Variants in PRORP observed in about 807,000 individuals in gnomAD.
PRORP encodes the protein protein only RNase P catalytic subunit.
A neutral mutation model predicts 59.4 loss-of-function variants in PRORP; 51 were observed. The observed-to-expected ratio is 0.86, with a 90% CI of 0.69 to 1.08. PRORP has a LOEUF of 1.08. Among genes scored for constraint, PRORP ranks in the 50% least tolerant of loss-of-function variants. The pLI, the probability that PRORP is intolerant of heterozygous loss-of-function variation, is 0.00. For synonymous variants in PRORP, 231 were observed against 245.6 expected (o/e 0.94, Z 0.55); for missense variants, 646 against 690.3 (o/e 0.94, Z 0.72).
chr14:35,200,903 C>T (rs1252118420), intron 5 of PRORP, among the ~76,000 whole-genome samples: 1 of 152,094 alleles, frequency 6.6e-6, no homozygotes, highest in Non-Finnish European at 1.5e-5. Context: ...TCCTTGTTCT[C>T]TTCTGGAATC....
At chr14:35,142,029 C>T (rs138625354) in intron 4 of PRORP, among the ~76,000 whole-genome samples, 1 of 145,522 alleles carries the variant, frequency 6.9e-6, no homozygotes, top group South Asian at 2.3e-4. Flanking sequence ...CAGGTGCCTG[C>T]AACCACGCCC....
intron 5 of PRORP, among the ~76,000 whole-genome samples, chr14:35,253,408 GAAAGAAAAAAAGA>G (rs1227469815): frequency 2.2e-5 from 3 of 135,214 alleles, no homozygotes; most frequent in African/African-American, 9.8e-5. Context: ...AAGAAGGAAA[GAAAGAAAAAAAGA>G]AAAGAAAAAA....
chr14:35,266,617 C>G, intron 5 of PRORP, 110 bp from the exon 6 acceptor site: 1 of 1,116,212 alleles, frequency 9.0e-7, no homozygotes, highest in East Asian at 2.4e-5. Flanking sequence ...TTTTCTTACC[C>G]CCTACCAGAA....
At chr14:35,160,465 CTT>C (rs1181058538) in intron 4 of PRORP, among the ~76,000 whole-genome samples, 6 of 152,124 alleles carry the variant, frequency 3.9e-5, no homozygotes, top group Non-Finnish European at 8.8e-5. Context: ...TTTTCATTCT[CTT>C]CTCTGCTTCC....
intron 4 of PRORP, among the ~76,000 whole-genome samples, chr14:35,162,034 T>C (rs2048073515): frequency 6.6e-6 from 1 of 152,100 alleles, no homozygotes; most frequent in African/African-American, 2.4e-5. Flanking sequence ...GGTTATCTTC[T>C]TTCTCCTTCC....
chr14:35,256,326 CTTT>C (rs1178856754), intron 5 of PRORP, among the ~76,000 whole-genome samples: 1 of 82,814 alleles, frequency 1.2e-5, no homozygotes, highest in Non-Finnish European at 2.2e-5. Context: ...TTGTGCGTAT[CTTT>C]TTTTTTTTTT....
At chr14:35,267,851 G>T (rs150945179) in intron 6 of PRORP, among the ~76,000 whole-genome samples, 3 of 152,000 alleles carry the variant, frequency 2.0e-5, no homozygotes, top group Non-Finnish European at 4.4e-5. Flanking sequence ...AAAGCAACAC[G>T]GCCAGTTGGG....
chr14:35,193,876 A>G (rs1166184731), intron 5 of PRORP, among the ~76,000 whole-genome samples: 1 of 152,194 alleles, frequency 6.6e-6, no homozygotes, highest in Non-Finnish European at 1.5e-5. Flanking sequence ...CTTTAGAGGT[A>G]GAATGTCTTG....
At chr14:35,196,253 C>T (rs943503472) in intron 5 of PRORP, among the ~76,000 whole-genome samples, 7 of 152,166 alleles carry the variant, frequency 4.6e-5, no homozygotes, top group East Asian at 3.8e-4. Flanking sequence ...GGTGGGAGGA[C>T]CACTTGAGCC....
At chr14:35,201,413 A>G (rs1391725892) in intron 5 of PRORP, among the ~76,000 whole-genome samples, 4 of 151,976 alleles carry the variant, frequency 2.6e-5, no homozygotes, top group Admixed American at 2.6e-4. Flanking sequence ...TGTCTGTTCT[A>G]CCTTATTTAC....
intron 5 of PRORP, among the ~76,000 whole-genome samples, chr14:35,242,503 A>G (rs1246133150): frequency 6.6e-6 from 1 of 152,192 alleles, no homozygotes; most frequent in Non-Finnish European, 1.5e-5. Context: ...ATGATAGAAA[A>G]TGAAAGCCAT....
intron 5 of PRORP, among the ~76,000 whole-genome samples, chr14:35,206,021 T>A (rs981365625): frequency 1.3e-5 from 2 of 152,198 alleles, no homozygotes; most frequent in Admixed American, 1.3e-4. Context: ...GGGTCTGTTA[T>A]TTGTTTTAGA....
intron 4 of PRORP, among the ~76,000 whole-genome samples, chr14:35,142,432 T>C (rs963886257): frequency 7.2e-6 from 1 of 139,068 alleles, no homozygotes; most frequent in African/African-American, 2.5e-5. Context: ...ACTGCAGCAA[T>C]GAACTCCTGG....
chr14:35,132,910 T>G (rs1347723801), intron 4 of PRORP, among the ~76,000 whole-genome samples: 1 of 151,106 alleles, frequency 6.6e-6, no homozygotes, highest in Non-Finnish European at 1.5e-5. Flanking sequence ...TTTTTTTGTT[T>G]TGTTTTGTTT....
At chr14:35,196,794 C>T (rs749492134) in intron 5 of PRORP, among the ~76,000 whole-genome samples, 1 of 152,124 alleles carries the variant, frequency 6.6e-6, no homozygotes, top group Non-Finnish European at 1.5e-5. Context: ...CCTGCCTTGA[C>T]ATGTGTTAAG....
At chr14:35,164,180 C>A (rs1252987080) in intron 4 of PRORP, among the ~76,000 whole-genome samples, 1 of 152,158 alleles carries the variant, frequency 6.6e-6, no homozygotes, top group African/African-American at 2.4e-5. Context: ...AATGCTTATA[C>A]ACTGTTGATG....
intron 4 of PRORP, among the ~76,000 whole-genome samples, chr14:35,132,334 T>C (rs2047264499): frequency 6.6e-6 from 1 of 151,518 alleles, no homozygotes; most frequent in Non-Finnish European, 1.5e-5. Flanking sequence ...GGCGGGCCTC[T>C]GTAATTCCAG....
At position 35,273,576 on chromosome 14, in the gene PRORP, C is replaced by T. The variant is rs1233759438; in HGVS notation, c.*10C>T. On this transcript the variant is annotated 3_prime_UTR_variant, in exon 8 of 8. Coordinates refer to ENST00000534898, the MANE Select transcript of PRORP (RefSeq NM_014672.4). ...CCACCAAAAGACATAGAGATTCTTA[C>T]CTCTATGCTAAGTTTGTGTTTGGGT... 1.2e-6 allele frequency: 2 copies of T among 1,609,972 alleles called. No individual in the cohort carries two copies. Among genetic ancestry groups the T allele is most frequent in the African/African-American group, 2.7e-5 (2 of 74,706 alleles).
At chr14:35,189,430 C>G (rs1595272390) in intron 5 of PRORP, among the ~76,000 whole-genome samples, 1 of 133,826 alleles carries the variant, frequency 7.5e-6, no homozygotes, top group African/African-American at 2.8e-5. Flanking sequence ...AAATTCTGAG[C>G]TTTTTTTTTT....
Sources: gnomAD v4.1 joint callset for allele counts (sites outside exome capture counted in the v4.1 genomes callset) on GRCh38, gnomAD v4.1.1 for gene constraint, MANE v1.5 for transcripts, NCBI Gene and HGNC (gene_info 2026-07-23, HGNC 2026-07-21) for gene names.